The following KAZN variants were observed in gnomAD, a reference collection of about 807,000 sequenced individuals.
KAZN encodes the protein kazrin, periplakin interacting protein, also known as kazrin.
KAZN carries 40 observed loss-of-function variants against 87.4 expected under a neutral mutation model. That is an observed-to-expected ratio of 0.46 (90% CI 0.36 to 0.60). KAZN has a LOEUF of 0.60. Among genes scored for constraint, KAZN ranks in the 20% least tolerant of loss-of-function variants. The pLI, the probability that KAZN is intolerant of heterozygous loss-of-function variation, is 0.00. For synonymous variants in KAZN, 466 were observed against 458.3 expected (o/e 1.02, Z -0.22); for missense variants, 898 against 1,073.9 (o/e 0.84, Z 2.29).
chr1:14,471,796 T>C (rs1244988428), intron 2 of KAZN, among the ~76,000 whole-genome samples: 1 of 152,176 alleles, frequency 6.6e-6, no homozygotes, highest in Non-Finnish European at 1.5e-5. Context: ...TGCCCACAAG[T>C]GTTCAGAAAG....
At chr1:14,803,993 C>T (rs1399019282) in intron 1 of KAZN, among the ~76,000 whole-genome samples, 1 of 152,240 alleles carries the variant, frequency 6.6e-6, no homozygotes, top group Admixed American at 6.5e-5. Context: ...CTCACCCAGT[C>T]CCTGTCCTTT....
chr1:13,984,019 A>T (rs1557763385), intron 1 of KAZN, among the ~76,000 whole-genome samples: 1 of 148,994 alleles, frequency 6.7e-6, no homozygotes, highest in Non-Finnish European at 1.5e-5. Flanking sequence ...TTTATTTTCT[A>T]TTTTTTTTTT....
chr1:14,375,695 G>C (rs1293564403), intron 2 of KAZN, among the ~76,000 whole-genome samples: 1 of 152,100 alleles, frequency 6.6e-6, no homozygotes, highest in Non-Finnish European at 1.5e-5. Context: ...GACCATCCTG[G>C]CTAACATGGT....
chr1:14,844,018 C>A (rs938292964), intron 1 of KAZN, among the ~76,000 whole-genome samples: 4 of 152,218 alleles, frequency 2.6e-5, no homozygotes, highest in African/African-American at 9.7e-5. Flanking sequence ...TTTTACGCCT[C>A]TCCCTCATCC....
intron 1 of KAZN, among the ~76,000 whole-genome samples, chr1:14,922,579 AT>A (rs1236814071): frequency 6.6e-6 from 1 of 152,000 alleles, no homozygotes; most frequent in Non-Finnish European, 1.5e-5. Context: ...GCATCACCAG[AT>A]CAGGAGTTCG....
intron 1 of KAZN, among the ~76,000 whole-genome samples, chr1:14,757,482 C>A (rs1291304281): frequency 1.3e-5 from 2 of 152,180 alleles, no homozygotes; most frequent in Non-Finnish European, 2.9e-5. Flanking sequence ...TTTAGTCAAC[C>A]CTTCTGAGCT....
intron 1 of KAZN, among the ~76,000 whole-genome samples, chr1:14,877,155 CGGACTCTCTT>C (rs1652857516): frequency 6.6e-6 from 1 of 152,182 alleles, no homozygotes; most frequent in African/African-American, 2.4e-5. Context: ...CGCACTCTCT[CGGACTCTCTT>C]GGACTCTCTT....
chr1:14,107,284 A>G, intron 1 of KAZN, among the ~76,000 whole-genome samples: 1 of 151,820 alleles, frequency 6.6e-6, no homozygotes, highest in Non-Finnish European at 1.5e-5. Context: ...CCAGTATGGC[A>G]TGAGAGCAGT....
chr1:14,551,637 G>A (rs887755159), intron 2 of KAZN, among the ~76,000 whole-genome samples: 2 of 152,240 alleles, frequency 1.3e-5, no homozygotes, highest in East Asian at 1.9e-4. Flanking sequence ...TGTTAATAGC[G>A]ACCTGGCTTG....
intron 2 of KAZN, among the ~76,000 whole-genome samples, chr1:14,230,472 GAT>G (rs1217597055): frequency 2.6e-5 from 4 of 152,162 alleles, no homozygotes; most frequent in African/African-American, 9.7e-5. Flanking sequence ...AAAAATCTGT[GAT>G]TTAGAAACAT....
At position 15,110,511 on chromosome 1, in the gene KAZN, G is replaced by GTT. The variant is rs1557807178; in HGVS notation, c.2049-1915_2049-1914insTT. On this transcript the variant is annotated intron_variant, in intron 13 of 14. Coordinates refer to ENST00000376030, the MANE Select transcript of KAZN (RefSeq NM_201628.3). The stretch of plus-strand genomic sequence containing the variant: ...TGTGTATGTATGTGTGTGTATTTGT[G>GTT]TGTTTGTGTGTATGTGTTTGTGTGT... Among the ~76,000 whole-genome samples the GTT allele has an allele frequency of 4.3e-3, 389 of 91,224 alleles. 2 individuals carry two copies. Among genetic ancestry groups the GTT allele is most frequent in the African/African-American group, 0.013 (359 of 26,712 alleles). 59.8% of individuals were successfully genotyped at this position (91,224 alleles called of 152,430 possible). A position where few individuals can be genotyped will look rare whatever the true frequency, so the allele number is the denominator to read the frequency against.
chr1:14,013,793 A>G (rs189007341), intron 1 of KAZN, among the ~76,000 whole-genome samples: 1 of 152,274 alleles, frequency 6.6e-6, no homozygotes, highest in Admixed American at 6.5e-5. Context: ...TGGGTTTCTC[A>G]TTCTGTATAG....
At chr1:14,186,434 C>T (rs931581070) in intron 2 of KAZN, among the ~76,000 whole-genome samples, 2 of 152,102 alleles carry the variant, frequency 1.3e-5, no homozygotes, top group Non-Finnish European at 2.9e-5. Flanking sequence ...AAAGATAAAG[C>T]ATTACATCTC....
At chr1:13,904,196 G>A (rs898006631) in intron 1 of KAZN, among the ~76,000 whole-genome samples, 3 of 152,222 alleles carry the variant, frequency 2.0e-5, no homozygotes, top group Non-Finnish European at 4.4e-5. Flanking sequence ...GCGAGGAGGT[G>A]CCCTGGGATG....
intron 1 of KAZN, among the ~76,000 whole-genome samples, chr1:14,652,294 C>T (rs1230250618): frequency 1.3e-5 from 2 of 152,174 alleles, no homozygotes; most frequent in African/African-American, 2.4e-5. Flanking sequence ...AATTTGCTTT[C>T]ATTTAAAATT....
chr1:14,601,232 T>C (rs1398205302), intron 1 of KAZN, among the ~76,000 whole-genome samples: 2 of 152,216 alleles, frequency 1.3e-5, no homozygotes, highest in Non-Finnish European at 2.9e-5. Flanking sequence ...GGGCACTTTG[T>C]GATTTTTATA....
At chr1:14,614,103 C>T (rs138393975) in intron 1 of KAZN, among the ~76,000 whole-genome samples, 18 of 152,318 alleles carry the variant, frequency 1.2e-4, no homozygotes, top group African/African-American at 3.6e-4. Flanking sequence ...CCATCACTAA[C>T]TAGTGTCACC....
At chr1:14,835,250 G>C (rs1281469530) in intron 1 of KAZN, among the ~76,000 whole-genome samples, 1 of 152,222 alleles carries the variant, frequency 6.6e-6, no homozygotes, top group Non-Finnish European at 1.5e-5. Context: ...TTAAAGGGCA[G>C]TGAGGAAGGA....
At chr1:14,440,599 C>T (rs186388242) in intron 2 of KAZN, among the ~76,000 whole-genome samples, 1 of 152,280 alleles carries the variant, frequency 6.6e-6, no homozygotes, top group East Asian at 1.9e-4. Context: ...CTGATTAAGT[C>T]ATGCTTAGAA....
Sources: allele counts gnomAD v4.1 joint callset (sites outside exome capture counted in the v4.1 genomes callset), GRCh38; gene constraint gnomAD v4.1.1; transcripts MANE v1.5; gene names NCBI Gene and HGNC (gene_info 2026-07-23, HGNC 2026-07-21).